SUGCT: variants seen among roughly 807,000 people sequenced by gnomAD.
SUGCT encodes the protein succinyl-CoA:glutarate-CoA transferase.
In SUGCT, 41 loss-of-function variants were observed where a neutral mutation model predicts 55.0. That is an observed-to-expected ratio of 0.74 (90% CI 0.58 to 0.97). The LOEUF (loss-of-function observed/expected upper bound fraction) is 0.97, where lower values mean the gene tolerates loss of function less well. Among genes scored for constraint, SUGCT ranks in the 50% least tolerant of loss-of-function variants. SUGCT has a pLI of 0.00. For synonymous variants in SUGCT, 187 were observed against 200.4 expected, an observed-to-expected ratio of 0.93 and a Z score of 0.56; for missense variants, 568 against 547.8, an observed-to-expected ratio of 1.04 and a Z score of -0.37.
At chr7:40,352,849 G>T (rs1797704500) in intron 9 of SUGCT, among the ~76,000 whole-genome samples, 1 of 152,088 alleles carries the variant, frequency 6.6e-6, no homozygotes, top group African/African-American at 2.4e-5. Flanking sequence ...TTGAGAAATT[G>T]CCAAACTGCT....
At chr7:40,978,721 G>A in the SUGCT span, among the ~76,000 whole-genome samples, 317 of 152,284 alleles carry the variant, frequency 2.1e-3, no homozygotes, top group African/African-American at 6.8e-3. Flanking sequence ...AACAAAAGCA[G>A]CATGTGTCAA....
At chr7:40,201,240 G>A (rs1786585838) in intron 6 of SUGCT, among the ~76,000 whole-genome samples, 1 of 151,908 alleles carries the variant, frequency 6.6e-6, no homozygotes, top group South Asian at 2.1e-4. Flanking sequence ...AGAGAAGGAA[G>A]AATAAAATAA....
chr7:40,544,016 C>A (rs571981506), intron 12 of SUGCT, among the ~76,000 whole-genome samples: 4 of 152,156 alleles, frequency 2.6e-5, no homozygotes, highest in African/African-American at 9.6e-5. Flanking sequence ...GGTAAGGAGG[C>A]ACTCTAGTTT....
chr7:40,279,029 G>GC (rs376079265), intron 8 of SUGCT, among the ~76,000 whole-genome samples: 3 of 149,948 alleles, frequency 2.0e-5, no homozygotes, highest in South Asian at 2.1e-4. Flanking sequence ...AGATGGGGGG[G>GC]TCTGACTGTG....
chr7:40,414,937 C>T (rs921873904), intron 9 of SUGCT, among the ~76,000 whole-genome samples: 2 of 150,540 alleles, frequency 1.3e-5, no homozygotes, highest in Admixed American at 6.7e-5. Flanking sequence ...CCAAGCTACT[C>T]GGGAGGCTGA....
chr7:40,269,712 A>C (rs185102743), intron 7 of SUGCT, among the ~76,000 whole-genome samples: 6 of 152,318 alleles, frequency 3.9e-5, no homozygotes, highest in Middle Eastern at 3.4e-3. Flanking sequence ...CTGATGGCTA[A>C]TGATATTAAG....
intron 8 of SUGCT, among the ~76,000 whole-genome samples, chr7:40,283,227 C>CTTTTTTTTTTTT (rs1793086700): frequency 1.3e-5 from 2 of 151,314 alleles, no homozygotes; most frequent in Non-Finnish European, 2.9e-5. Context: ...ACATTTCTTT[C>CTTTTTTTTTTTT]TTTTTCTTTT....
chr7:40,392,187 G>C (rs905754382), intron 9 of SUGCT, among the ~76,000 whole-genome samples: 8 of 152,140 alleles, frequency 5.3e-5, no homozygotes, highest in Non-Finnish European at 1.2e-4. Context: ...TAATGTAAAT[G>C]ACAAGTTAAT....
rs373631335 is a variant in SUGCT at position 40,418,757 on chromosome 7, A to C, written c.817-30530A>C. On this transcript the variant is annotated intron_variant, in intron 9 of 13. Coordinates refer to ENST00000335693, the MANE Select transcript of SUGCT (RefSeq NM_001193313.2). ...TCTCCCCTGTAATCCACTGGTTACC[A>C]TGAGGGTCTTTAAATGAAGAGAATC... Among the ~76,000 whole-genome samples, 4 of 152,178 alleles carry C rather than the reference A, an allele frequency of 2.6e-5. No individual in the cohort carries two copies. The East Asian group carries it at 5.8e-4, about 22-fold the overall frequency.
intron 12 of SUGCT, among the ~76,000 whole-genome samples, chr7:40,550,958 A>C (rs906693211): frequency 6.6e-6 from 1 of 151,926 alleles, no homozygotes; most frequent in Non-Finnish European, 1.5e-5. Context: ...TACCCATTTT[A>C]CCTGTTTTCT....
intron 10 of SUGCT, among the ~76,000 whole-genome samples, chr7:40,454,187 A>G (rs537564371): frequency 1.7e-4 from 26 of 152,178 alleles, no homozygotes; most frequent in Non-Finnish European, 3.4e-4. Flanking sequence ...ACAATAACAA[A>G]AAGTCCAATA....
chr7:40,899,029 C>G, the SUGCT span, among the ~76,000 whole-genome samples: 1 of 152,108 alleles, frequency 6.6e-6, no homozygotes, highest in Non-Finnish European at 1.5e-5. Flanking sequence ...CATTGTTATT[C>G]CTTCTTCCCC....
In SUGCT at chr7:40,199,045, G is replaced by GT. The variant is rs796629157; in HGVS notation, c.484+3995dup. ...GTAATCAGTGTGTCTGTGTGTGTGT[G>GT]TTTTTTTTTTAATAAGACTGATTAC... On this transcript the variant is annotated intron_variant, in intron 6 of 13. Transcript: ENST00000335693. 5.0e-3 allele frequency among the ~76,000 whole-genome samples: 740 copies of GT among 147,338 alleles called. 4 individuals are homozygous for GT. Among genetic ancestry groups the GT allele is most frequent in the African/African-American group, 0.012 (476 of 40,222 alleles).
At chr7:40,959,831 G>A in the SUGCT span, among the ~76,000 whole-genome samples, 3 of 152,306 alleles carry the variant, frequency 2.0e-5, no homozygotes, top group African/African-American at 4.8e-5. Flanking sequence ...CTCCTGGTGT[G>A]TGGGTTGCAA....
chr7:40,567,001 C>T lies in SUGCT; in HGVS notation c.1089+70615C>T, dbSNP rs562736536. ...TAAAAGCTTAAGAAAATTATTCCCT[C>T]GCCTGTCCCCCCAAAAGCCACATCT... On this transcript the variant is annotated intron_variant, in intron 12 of 13. Transcript: ENST00000335693. 1.1e-3 allele frequency among the ~76,000 whole-genome samples: 163 copies of T among 152,288 alleles called. 1 individual carries two copies. The highest frequency in any genetic ancestry group is 3.8e-3 in the African/African-American group (156 of 41,554).
chr7:40,629,762 G>A (rs572735563), intron 12 of SUGCT, among the ~76,000 whole-genome samples: 12 of 152,164 alleles, frequency 7.9e-5, no homozygotes, highest in African/African-American at 1.9e-4. Context: ...TGTTTTATCC[G>A]TATGTAAATT....
intron 8 of SUGCT, among the ~76,000 whole-genome samples, chr7:40,287,040 A>G (rs1487637133): frequency 6.6e-6 from 1 of 152,152 alleles, no homozygotes; most frequent in African/African-American, 2.4e-5. Flanking sequence ...TGCCGTGATT[A>G]TTATCCTTGC....
chr7:40,350,709 G>T (rs1243929473), intron 9 of SUGCT, among the ~76,000 whole-genome samples: 1 of 151,936 alleles, frequency 6.6e-6, no homozygotes, highest in Admixed American at 6.6e-5. Flanking sequence ...TGTTACATAG[G>T]TATACAGGTG....
intron 8 of SUGCT, among the ~76,000 whole-genome samples, chr7:40,294,176 C>G (rs1451130260): frequency 2.0e-5 from 3 of 152,086 alleles, no homozygotes; most frequent in Non-Finnish European, 4.4e-5. Context: ...TTGCCTACTC[C>G]TGACCTCAGG....
Sources: allele counts gnomAD v4.1 joint callset (sites outside exome capture counted in the v4.1 genomes callset), GRCh38; gene constraint gnomAD v4.1.1; transcripts MANE v1.5; gene names NCBI Gene and HGNC (gene_info 2026-07-23, HGNC 2026-07-21).